KAZN: variants seen among roughly 807,000 people sequenced by gnomAD.
The protein encoded by KAZN is kazrin.
KAZN carries 40 observed loss-of-function variants against 87.4 expected under a neutral mutation model. The ratio of observed to expected loss-of-function variants is 0.46; its 90% CI spans 0.36 to 0.60. The LOEUF (loss-of-function observed/expected upper bound fraction) is 0.60. KAZN is among the 20% of genes least tolerant of loss of function. The pLI, the probability that KAZN is intolerant of heterozygous loss-of-function variation, is 0.00. For synonymous variants in KAZN, 466 were observed against 458.3 expected, an observed-to-expected ratio of 1.02 and a Z score of -0.22; for missense variants, 898 against 1,073.9, an observed-to-expected ratio of 0.84 and a Z score of 2.29.
intron 1 of KAZN, among the ~76,000 whole-genome samples, chr1:14,716,694 C>T (rs976358229): frequency 3.3e-5 from 5 of 152,134 alleles, no homozygotes; most frequent in Non-Finnish European, 5.9e-5. Context: ...GTGCCTGAGC[C>T]GTCCTTTCCT....
intron 2 of KAZN, among the ~76,000 whole-genome samples, chr1:14,504,017 G>A (rs1251215930): frequency 1.3e-5 from 2 of 152,118 alleles, no homozygotes; most frequent in African/African-American, 4.8e-5. Flanking sequence ...GGTTGCACAG[G>A]GGTAGGGCTG....
rs550523776 is a variant in KAZN, at chr1:14,189,872, C to T, written c.249+9280C>T. Reference sequence around the variant, plus strand: ...AGGATAACTCTTGGCAATTTTTTATCTATTGGAAATGGGAGTTTAAACTGC... The same window carrying T: ...AGGATAACTCTTGGCAATTTTTTATTTATTGGAAATGGGAGTTTAAACTGC... On this transcript the variant is annotated intron_variant, in intron 2 of 16. Coordinates refer to the KAZN transcript ENST00000636203. 2.6e-5 allele frequency among the ~76,000 whole-genome samples: 4 copies of T among 152,254 alleles called. No homozygotes were observed. The East Asian group carries it at 7.7e-4, about 29-fold the overall frequency.
intron 2 of KAZN, among the ~76,000 whole-genome samples, chr1:14,266,325 G>A (rs1651471519): frequency 6.6e-6 from 1 of 152,178 alleles, no homozygotes; most frequent in Admixed American, 6.5e-5. Flanking sequence ...TCAGTTGGCT[G>A]TCTGTATCTC....
chr1:14,522,080 T>C (rs1478685331), intron 2 of KAZN, among the ~76,000 whole-genome samples: 2 of 152,150 alleles, frequency 1.3e-5, no homozygotes, highest in Non-Finnish European at 2.9e-5. Flanking sequence ...ATAGACACAT[T>C]AGAAAAAGGA....
At chr1:14,402,088 TA>T (rs36103725) in intron 2 of KAZN, among the ~76,000 whole-genome samples, 15,810 of 150,332 alleles carry the variant, frequency 0.11, 933 homozygotes, top group South Asian at 0.14. Context: ...TGAGTCTATG[TA>T]AAAAAAAAAA....
intron 1 of KAZN, among the ~76,000 whole-genome samples, chr1:14,644,896 T>C (rs1680696969): frequency 6.6e-6 from 1 of 152,194 alleles, no homozygotes; most frequent in South Asian, 2.1e-4. Flanking sequence ...TCTAGAATGG[T>C]GTTGCCTAAG....
intron 1 of KAZN, among the ~76,000 whole-genome samples, chr1:14,622,927 T>TCTTAA (rs542471563): frequency 0.011 from 754 of 67,694 alleles, 11 homozygotes; most frequent in African/African-American, 0.064. Flanking sequence ...TGTTCTTAAT[T>TCTTAA]TTTTTTTTTT....
Position 14,142,340 on chromosome 1 carries a change from T to A in KAZN, c.92-38095T>A, listed in dbSNP as rs1217683009. ...TCCAATAAAATACACAGTCTAAAAATGTCTTAGCTTTTAGCTACCAGGTTG... is the reference window on the plus strand; with the variant it reads ...TCCAATAAAATACACAGTCTAAAAAAGTCTTAGCTTTTAGCTACCAGGTTG... On this transcript the variant is annotated intron_variant, in intron 1 of 16. Coordinates refer to the KAZN transcript ENST00000636203. 4.6e-5 allele frequency among the ~76,000 whole-genome samples: 7 copies of A among 152,318 alleles called. No individual in the cohort carries two copies. The East Asian group carries it at 1.4e-3, about 29-fold the overall frequency.
At chr1:14,933,191 A>G (rs1047131045) in intron 1 of KAZN, among the ~76,000 whole-genome samples, 2 of 152,214 alleles carry the variant, frequency 1.3e-5, no homozygotes, top group Non-Finnish European at 2.9e-5. Flanking sequence ...TCCTGGGTTC[A>G]AGCGATTCTC....
chr1:14,896,332 C>T (rs927571266), intron 1 of KAZN, among the ~76,000 whole-genome samples: 2 of 152,132 alleles, frequency 1.3e-5, no homozygotes, highest in African/African-American at 2.4e-5. Flanking sequence ...GGATTACAGG[C>T]GTGAGCCACT....
intron 1 of KAZN, among the ~76,000 whole-genome samples, chr1:13,903,843 C>G (rs1169389744): frequency 6.6e-6 from 1 of 152,088 alleles, no homozygotes; most frequent in South Asian, 2.1e-4. Flanking sequence ...CTTGAAAAGA[C>G]AGAAGTTTTG....
chr1:14,027,567 C>G (rs759821326), intron 1 of KAZN, among the ~76,000 whole-genome samples: 1 of 152,116 alleles, frequency 6.6e-6, no homozygotes, highest in African/African-American at 2.4e-5. Context: ...TAGCTTCTAG[C>G]AAACTATAAT....
rs36056101 is a variant in KAZN at position 14,081,106 on chromosome 1, GT to G, written c.92-99316del. 6.2e-3 allele frequency among the ~76,000 whole-genome samples: 889 copies of G among 143,650 alleles called. 9 individuals are homozygous for G. The highest frequency in any genetic ancestry group is 0.019 in the African/African-American group (734 of 39,300). The allele number at this position is 143,650 out of a possible 152,430, so 94.2% of individuals were successfully genotyped here. On this transcript the variant is annotated intron_variant, in intron 1 of 16. Transcript: ENST00000636203. ...CACTCTATGGACACACATGGTGTTG[GT>G]TTTTTTTTTTTTAAGGAATTAAATT...
chr1:14,869,898 TCTC>T (rs1651952177), intron 1 of KAZN, among the ~76,000 whole-genome samples: 1 of 152,136 alleles, frequency 6.6e-6, no homozygotes, highest in South Asian at 2.1e-4. Context: ...GTTGTACCGG[TCTC>T]CTGCCCTCAG....
At chr1:14,650,803 T>C (rs970884886) in intron 1 of KAZN, among the ~76,000 whole-genome samples, 1 of 152,188 alleles carries the variant, frequency 6.6e-6, no homozygotes, top group Non-Finnish European at 1.5e-5. Flanking sequence ...AGGGTAGTGC[T>C]TGGTGCTTTT....
intron 2 of KAZN, among the ~76,000 whole-genome samples, chr1:14,342,060 C>T (rs1180632879): frequency 2.6e-5 from 4 of 152,172 alleles, no homozygotes; most frequent in Admixed American, 2.0e-4. Flanking sequence ...TTAGCTCCCA[C>T]TTATAAATGA....
chr1:14,060,320 G>C (rs1314381985), intron 1 of KAZN, among the ~76,000 whole-genome samples: 1 of 144,834 alleles, frequency 6.9e-6, no homozygotes, highest in Non-Finnish European at 1.5e-5. Context: ...CCGAGATCGC[G>C]CCACTGCAGT....
intron 2 of KAZN, among the ~76,000 whole-genome samples, chr1:14,990,585 A>G (rs1476960632): frequency 6.6e-6 from 1 of 151,968 alleles, no homozygotes; most frequent in Non-Finnish European, 1.5e-5. Context: ...TGTTTCACAT[A>G]TTTTCTGAGG....
intron 1 of KAZN, among the ~76,000 whole-genome samples, chr1:13,977,716 G>A (rs1638431325): frequency 6.6e-6 from 1 of 152,208 alleles, no homozygotes; most frequent in Non-Finnish European, 1.5e-5. Flanking sequence ...GGGAGACAGA[G>A]GTTAGAATTT....
Sources: gnomAD v4.1 joint callset for allele counts (sites outside exome capture counted in the v4.1 genomes callset) on GRCh38, gnomAD v4.1.1 for gene constraint, MANE v1.5 for transcripts, NCBI Gene and HGNC (gene_info 2026-07-23, HGNC 2026-07-21) for gene names.